DPP10: variants seen among roughly 807,000 people sequenced by gnomAD.
DPP10 encodes dipeptidyl peptidase like 10.
Under a neutral mutation model 120.9 loss-of-function variants are expected in DPP10, and 33 were observed. That is an observed-to-expected ratio of 0.27 (90% CI 0.21 to 0.37). DPP10 has a LOEUF of 0.37. DPP10 is among the 10% of genes least tolerant of loss of function. The probability of loss-of-function intolerance (pLI) is 1.00; values close to 1 mark genes in which losing one functional copy is unlikely to be tolerated. For missense variants in DPP10, 816 were observed against 942.8 expected (o/e 0.87, Z 1.76); for synonymous variants, 337 against 326.1 (o/e 1.03, Z -0.36).
At chr2:115,244,972 A>G (rs1242943182) in intron 1 of DPP10, among the ~76,000 whole-genome samples, 1 of 151,882 alleles carries the variant, frequency 6.6e-6, no homozygotes, top group Non-Finnish European at 1.5e-5. Context: ...TACCCAATGT[A>G]TAGCCTTTTA....
chr2:114,939,058 ATTAT>A (rs1239047019), intron 1 of DPP10, among the ~76,000 whole-genome samples: 3 of 152,092 alleles, frequency 2.0e-5, no homozygotes, highest in Non-Finnish European at 4.4e-5. Flanking sequence ...TGTGCTTTTA[ATTAT>A]TCTAGAATGT....
At chr2:115,095,667 C>T (rs72835800) in intron 1 of DPP10, among the ~76,000 whole-genome samples, 1,891 of 150,966 alleles carry the variant, frequency 0.013, 15 homozygotes, top group South Asian at 0.022. Flanking sequence ...GCAACCTCTA[C>T]CACTTGGGTT....
intron 1 of DPP10, among the ~76,000 whole-genome samples, chr2:115,067,542 G>A (rs112361901): frequency 4.3e-5 from 6 of 139,550 alleles, no homozygotes; most frequent in South Asian, 2.6e-4. Context: ...GTGAGCCACC[G>A]CGCCCAGCCA....
At chr2:115,092,970 G>T (rs966620515) in intron 1 of DPP10, among the ~76,000 whole-genome samples, 1 of 152,132 alleles carries the variant, frequency 6.6e-6, no homozygotes, top group African/African-American at 2.4e-5. Context: ...TGTAGAAGTT[G>T]TTAATAACTG....
At chr2:115,552,484 A>G (rs1181283921) in intron 5 of DPP10, among the ~76,000 whole-genome samples, 1 of 152,106 alleles carries the variant, frequency 6.6e-6, no homozygotes, top group Non-Finnish European at 1.5e-5. Context: ...TTTCTGATAA[A>G]TGAGGCTGCT....
chr2:115,565,769 G>GTTTTTTTTTTTTTTTTTTTTTTTT (rs144846765), intron 5 of DPP10, among the ~76,000 whole-genome samples: 1 of 136,232 alleles, frequency 7.3e-6, no homozygotes, highest in Non-Finnish European at 1.5e-5. Flanking sequence ...TGTTTGTTTT[G>GTTTTTTTTTTTTTTTTTTTTTTTT]TTTTTTTTTG....
intron 1 of DPP10, among the ~76,000 whole-genome samples, chr2:114,797,726 A>T (rs1007296931): frequency 6.6e-6 from 1 of 152,256 alleles, no homozygotes; most frequent in African/African-American, 2.4e-5. Context: ...AGTCATGCTT[A>T]CAAGGAAGAT....
chr2:115,751,965 A>AT (rs34131869), intron 10 of DPP10, among the ~76,000 whole-genome samples: 40,448 of 151,582 alleles, frequency 0.27, 5,721 homozygotes, highest in Middle Eastern at 0.44. Context: ...CACCCGGCTA[A>AT]TTTTTTGTAT....
At chr2:115,038,959 A>G (rs531211258) in intron 1 of DPP10, among the ~76,000 whole-genome samples, 34 of 152,326 alleles carry the variant, frequency 2.2e-4, no homozygotes, top group Middle Eastern at 6.8e-3. Flanking sequence ...TGAAAAATTT[A>G]TGGTGAAAAT....
intron 1 of DPP10, among the ~76,000 whole-genome samples, chr2:114,914,061 A>G (rs568457069): frequency 1.8e-4 from 27 of 152,336 alleles, no homozygotes; most frequent in African/African-American, 5.8e-4. Context: ...AACCTCTGGG[A>G]AATATGGGAT....
intron 1 of DPP10, among the ~76,000 whole-genome samples, chr2:114,811,332 G>A (rs56319026): frequency 0.073 from 11,143 of 152,130 alleles, 490 homozygotes; most frequent in African/African-American, 0.13. Flanking sequence ...GAAAGACTAG[G>A]GAAGAGTCTA....
At position 115,843,574 on chromosome 2, in the gene DPP10, A is replaced by C. The variant is rs2150145191; in HGVS notation, c.*1229A>C. 1 of 152,286 alleles carries C rather than the reference A, an allele frequency of 6.6e-6. No homozygotes were observed. The allele number at this position is 152,286 out of a possible 1,614,324, so 9.4% of individuals were successfully genotyped here. A position where few individuals can be genotyped will look rare whatever the true frequency, so the allele number is the denominator to read the frequency against. On this transcript the variant is annotated 3_prime_UTR_variant, in exon 26 of 26. Coordinates refer to ENST00000410059, the MANE Select transcript of DPP10 (RefSeq NM_020868.6). ...GAAATATTTTTTATTCATTGGCCAA[A>C]AAGTTCACAGACAGCAGTGTTTGCT...
intron 1 of DPP10, among the ~76,000 whole-genome samples, chr2:114,875,821 T>G (rs142011289): frequency 2.0e-5 from 3 of 152,114 alleles, no homozygotes; most frequent in Non-Finnish European, 4.4e-5. Context: ...GATACTTTAA[T>G]TAGAATATCA....
intron 3 of DPP10, among the ~76,000 whole-genome samples, chr2:115,389,336 A>G (rs2067171718): frequency 6.6e-6 from 1 of 151,244 alleles, no homozygotes; most frequent in South Asian, 2.1e-4. Flanking sequence ...TTTGAACTAC[A>G]TGTGGCTTAC....
At chr2:115,802,428 C>A (rs1180387619) in intron 19 of DPP10, among the ~76,000 whole-genome samples, 1 of 152,158 alleles carries the variant, frequency 6.6e-6, no homozygotes, top group Admixed American at 6.5e-5. Flanking sequence ...GTCTCTATTT[C>A]TTTCAGTTCT....
chr2:115,280,405 C>T (rs1574277619), intron 1 of DPP10, among the ~76,000 whole-genome samples: 1 of 152,064 alleles, frequency 6.6e-6, no homozygotes, highest in African/African-American at 2.4e-5. Flanking sequence ...TCTTGAGGCC[C>T]AAAGCTGCAC....
intron 1 of DPP10, among the ~76,000 whole-genome samples, chr2:114,514,487 T>C (rs146148724): frequency 2.5e-4 from 38 of 152,288 alleles, no homozygotes; most frequent in African/African-American, 8.4e-4. Context: ...TCACTTTTAG[T>C]TCTCTGTTTT....
chr2:115,799,678 T>C (rs1171691002), intron 19 of DPP10, among the ~76,000 whole-genome samples: 1 of 147,478 alleles, frequency 6.8e-6, no homozygotes, highest in Non-Finnish European at 1.5e-5. Context: ...AGTGAGAACA[T>C]GCGGTGTTTG....
chr2:115,663,778 C>A (rs568503925), intron 5 of DPP10, among the ~76,000 whole-genome samples: 1 of 152,194 alleles, frequency 6.6e-6, no homozygotes, highest in East Asian at 1.9e-4. Flanking sequence ...AGGCGGATCA[C>A]GAGGTCGGGA....
Sources: gnomAD v4.1 joint callset for allele counts (sites outside exome capture counted in the v4.1 genomes callset) on GRCh38, gnomAD v4.1.1 for gene constraint, MANE v1.5 for transcripts, NCBI Gene and HGNC (gene_info 2026-07-23, HGNC 2026-07-21) for gene names.